Variants in WSCD2 observed in about 807,000 individuals in gnomAD.
WSCD2 encodes sialate:O-sulfotransferase 2.
Under a neutral mutation model 55.7 loss-of-function variants are expected in WSCD2, and 28 were observed. The observed-to-expected ratio is 0.50, with a 90% CI of 0.37 to 0.69. The LOEUF is 0.69. WSCD2 is among the 30% of genes least tolerant of loss of function. The probability of loss-of-function intolerance (pLI) is 0.00; values close to 1 mark genes in which losing one functional copy is unlikely to be tolerated. For missense variants in WSCD2, 616 were observed against 762.1 expected (o/e 0.81, Z 2.26); for synonymous variants, 301 against 301.9 (o/e 1.00, Z 0.03).
At chr12:108,176,084 C>T (rs552460485) in intron 1 of WSCD2, among the ~76,000 whole-genome samples, 7 of 152,322 alleles carry the variant, frequency 4.6e-5, no homozygotes, top group Non-Finnish European at 1.0e-4. Flanking sequence ...CATGATCCGC[C>T]CACCTCAGCC....
chr12:108,239,856 G>C (rs1889578835), intron 7 of WSCD2, among the ~76,000 whole-genome samples: 1 of 152,146 alleles, frequency 6.6e-6, no homozygotes, highest in East Asian at 1.9e-4. Context: ...TGGGACTACA[G>C]GTGCATGCCA....
chr12:108,243,470 G>A (rs1007988449), intron 8 of WSCD2, among the ~76,000 whole-genome samples: 2 of 152,140 alleles, frequency 1.3e-5, no homozygotes, highest in Non-Finnish European at 2.9e-5. Flanking sequence ...ATCTGACCTC[G>A]TGATCCACCT....
chr12:108,142,312 G>A (rs899350791), intron 1 of WSCD2, among the ~76,000 whole-genome samples: 4 of 152,042 alleles, frequency 2.6e-5, no homozygotes, highest in Admixed American at 1.3e-4. Context: ...TTTTTATGTA[G>A]CCTCCTCTAC....
At chr12:108,136,632 T>C (rs1190372197) in intron 1 of WSCD2, among the ~76,000 whole-genome samples, 2 of 152,108 alleles carry the variant, frequency 1.3e-5, no homozygotes, top group Non-Finnish European at 2.9e-5. Context: ...ACTTGACCCA[T>C]GTGGACACTG....
chr12:108,166,822 T>C (rs1229928739), intron 1 of WSCD2, among the ~76,000 whole-genome samples: 1 of 149,024 alleles, frequency 6.7e-6, no homozygotes, highest in Non-Finnish European at 1.5e-5. Context: ...TTTTTCTTTT[T>C]TTTTTTTTTG....
Position 108,232,831 on chromosome 12 carries a change from C to T in WSCD2, c.1080C>T (p.Leu360=). 1 of 1,614,120 alleles carries T rather than the reference C, an allele frequency of 6.2e-7. No homozygotes were observed. The highest frequency in any genetic ancestry group is 8.5e-7 in the Non-Finnish European group (1 of 1,180,024). ...CTGGCAACACGTGGGCTCGCCACCT[C>T]ATTGAATTGGCCACAGGCTTCTACA... ...PGAGNTWARH[L]IELATGFYTG... is the part of the protein sequence containing the mutation. The change falls in exon 7 of 9, where the codon CTC becomes CTT. Residue 360 remains leucine, a synonymous_variant. Transcript: ENST00000547525.
At chr12:108,196,489 C>T in intron 2 of WSCD2, 1 of 447,746 alleles carries the variant, frequency 2.2e-6, no homozygotes, top group Non-Finnish European at 3.9e-6. Context: ...TGACTCTCCC[C>T]TGTAGCCTTT....
At chr12:108,224,679 T>A (rs1311403027) in intron 4 of WSCD2, 60 bp from the exon 5 acceptor site, 2 of 1,564,046 alleles carry the variant, frequency 1.3e-6, no homozygotes, top group Non-Finnish European at 1.7e-6. Flanking sequence ...GAATGTGGTT[T>A]TCCCAACCAG....
chr12:108,151,210 A>G (rs1877966404), intron 1 of WSCD2, among the ~76,000 whole-genome samples: 1 of 152,126 alleles, frequency 6.6e-6, no homozygotes. Context: ...TTGTGGTGAG[A>G]TAATTTCTTT....
At chr12:108,208,643 G>A (rs997590508) in intron 3 of WSCD2, among the ~76,000 whole-genome samples, 1 of 152,162 alleles carries the variant, frequency 6.6e-6, no homozygotes, top group African/African-American at 2.4e-5. Flanking sequence ...TACACAGAGG[G>A]TACAAAGGGA....
intron 4 of WSCD2, among the ~76,000 whole-genome samples, chr12:108,212,613 T>TCTCTCACA (rs1310160261): frequency 5.8e-5 from 8 of 138,546 alleles, no homozygotes; most frequent in Non-Finnish European, 1.2e-4. Flanking sequence ...TCTCTCTCTC[T>TCTCTCACA]CACACACACA....
intron 8 of WSCD2, among the ~76,000 whole-genome samples, chr12:108,241,945 T>A (rs1342044551): frequency 1.3e-5 from 2 of 152,204 alleles, no homozygotes; most frequent in Non-Finnish European, 2.9e-5. Context: ...ACTCAGGGAA[T>A]CTTGCTCCAG....
chr12:108,236,000 G>C (rs1889231445), intron 7 of WSCD2, among the ~76,000 whole-genome samples: 1 of 152,136 alleles, frequency 6.6e-6, no homozygotes. Flanking sequence ...GAAATCCTTT[G>C]CCGCATTTGC....
chr12:108,156,428 G>T (rs1878518830), intron 1 of WSCD2, among the ~76,000 whole-genome samples: 1 of 152,180 alleles, frequency 6.6e-6, no homozygotes, highest in Non-Finnish European at 1.5e-5. Flanking sequence ...ACTGGCTGGT[G>T]CATAGTAGGG....
chr12:108,242,654 G>A lies in WSCD2; in HGVS notation c.1345+2110G>A, dbSNP rs139978936. ...TTTAAGTTCTGAGTTACGTTTGCAG[G>A]ATGTGCAGTTTAGTTACATAGGTAA... is the stretch of plus-strand genomic sequence containing the variant. On this transcript the variant is annotated intron_variant, in intron 8 of 8. Transcript: ENST00000547525. Among the ~76,000 whole-genome samples, 504 of 152,282 alleles carry A rather than the reference G, an allele frequency of 3.3e-3. 6 individuals carry two copies. Among genetic ancestry groups the A allele is most frequent in the African/African-American group, 0.011 (452 of 41,548 alleles).
At chr12:108,217,365 T>C (rs1886963866) in intron 4 of WSCD2, among the ~76,000 whole-genome samples, 1 of 152,162 alleles carries the variant, frequency 6.6e-6, no homozygotes. Context: ...TTTTCAGACA[T>C]AAGAGATGAA....
intron 1 of WSCD2, among the ~76,000 whole-genome samples, chr12:108,167,775 G>A (rs1227742442): frequency 6.6e-6 from 1 of 152,200 alleles, no homozygotes; most frequent in Non-Finnish European, 1.5e-5. Flanking sequence ...TTTCTGATTA[G>A]AATACCTGCT....
intron 1 of WSCD2, among the ~76,000 whole-genome samples, chr12:108,145,722 A>G (rs1364630857): frequency 1.3e-5 from 2 of 152,230 alleles, no homozygotes; most frequent in Non-Finnish European, 2.9e-5. Context: ...AACTGCTGAA[A>G]TGTCCATTAT....
intron 1 of WSCD2, among the ~76,000 whole-genome samples, chr12:108,192,046 C>G (rs1423783648): frequency 6.6e-6 from 1 of 152,114 alleles, no homozygotes; most frequent in Non-Finnish European, 1.5e-5. Flanking sequence ...AGGACTAGAC[C>G]CAGAAATATC....
Sources: gnomAD v4.1 joint callset for allele counts (sites outside exome capture counted in the v4.1 genomes callset) on GRCh38, gnomAD v4.1.1 for gene constraint, MANE v1.5 for transcripts, NCBI Gene and HGNC (gene_info 2026-07-23, HGNC 2026-07-21) for gene names.